The following HSPG2 variants were observed in gnomAD, a reference collection of about 807,000 sequenced individuals.
HSPG2 encodes heparan sulfate proteoglycan 2.
In HSPG2, 278 loss-of-function variants were observed where a neutral mutation model predicts 526.6. That is an observed-to-expected ratio of 0.53 (90% CI 0.48 to 0.58). HSPG2 has a LOEUF of 0.58. HSPG2 is among the 20% of genes least tolerant of loss of function. The pLI is 0.00. For missense variants in HSPG2, 5,354 were observed against 6,099.5 expected, an observed-to-expected ratio of 0.88 and a Z score of 4.07; for synonymous variants, 2,465 against 2,555.4, an observed-to-expected ratio of 0.96 and a Z score of 1.07.
At position 21,828,974 on chromosome 1, in the gene HSPG2, C is replaced by G; in HGVS notation, c.12098G>C (p.Arg4033Pro). ...GCCGGGCGAGGAGCGCAGCACAGGG[C>G]GTCCACCATTCACCCGCAGGCTGCC... ...KDGSLRVNGGRPVLRSSPGKS... is the reference protein window; with the variant it reads ...KDGSLRVNGGPPVLRSSPGKS... Residue 4033 changes from arginine (R) to proline (P), a missense_variant, in exon 88 of 97, where the codon CGC (arginine) becomes CCC (proline). Physicochemically the swap from Arg to Pro is moderately radical, Grantham distance 103. Coordinates refer to ENST00000374695, the MANE Select transcript of HSPG2 (RefSeq NM_005529.7). This position sits in a 1 kb window ranked among gnomAD's most constrained non-coding sequence, Gnocchi z 6.0. 1 of 1,576,366 alleles carries G rather than the reference C, an allele frequency of 6.3e-7. No homozygotes were observed. The highest frequency in any genetic ancestry group is 8.6e-7 in the Non-Finnish European group (1 of 1,161,430).
chr1:21,918,079 C>T (rs559055072), intron 1 of HSPG2, among the ~76,000 whole-genome samples: 1 of 152,206 alleles, frequency 6.6e-6, no homozygotes, highest in South Asian at 2.1e-4. Context: ...TTTGAGGACT[C>T]AATTTCTTAT....
intron 1 of HSPG2, among the ~76,000 whole-genome samples, chr1:21,929,755 G>C (rs904339061): frequency 6.6e-6 from 1 of 152,096 alleles, no homozygotes; most frequent in Non-Finnish European, 1.5e-5. Flanking sequence ...TGAAGCCAAA[G>C]ACTGTGGAGG....
chr1:21,854,827 C>T (rs746932870), intron 48 of HSPG2, 21 bp downstream of exon 48: 1 of 1,613,448 alleles, frequency 6.2e-7, no homozygotes, highest in African/African-American at 1.3e-5. Context: ...CCCCACCCCT[C>T]CATTCCCAGA....
chr1:21,826,443 A>G (rs770979824), intron 91 of HSPG2, among the ~76,000 whole-genome samples: 7 of 151,808 alleles, frequency 4.6e-5, no homozygotes, highest in Non-Finnish European at 7.4e-5. Flanking sequence ...GGCTCAAGCA[A>G]TCTGCCCGCC....
chr1:21,859,420 C>A lies in HSPG2; in HGVS notation c.5293+146G>T. The A allele has an allele frequency of 1.4e-6, 1 of 693,438 alleles. No homozygotes were observed. The allele number at this position is 693,438 out of a possible 1,614,324, so 43.0% of individuals were successfully genotyped here. ...CCTCTAAAATGAGTCTTGAATCTGCCACCTCTCCTCATCTCCATGGCTGCT... is the reference window on the plus strand; with the variant it reads ...CCTCTAAAATGAGTCTTGAATCTGCAACCTCTCCTCATCTCCATGGCTGCT... On this transcript the variant is annotated intron_variant, in intron 42 of 96. Transcript: ENST00000374695. The surrounding 1 kb of genome is among the most constrained non-coding windows in gnomAD (Gnocchi z 5.3).
At chr1:21,841,886 A>G in intron 69 of HSPG2, 116 bp downstream of exon 69, 1 of 1,448,878 alleles carries the variant, frequency 6.9e-7, no homozygotes, top group Non-Finnish European at 9.6e-7. Context: ...GGCCTTACTC[A>G]GGGCCACACC....
chr1:21,903,881 C>A (rs940582770), intron 1 of HSPG2, among the ~76,000 whole-genome samples: 1 of 152,190 alleles, frequency 6.6e-6, no homozygotes, highest in African/African-American at 2.4e-5. Context: ...GACCACCAGC[C>A]GGTGGGGCAG....
At chr1:21,855,269 G>GGGC in intron 47 of HSPG2, 35 bp downstream of exon 47, 1 of 1,584,652 alleles carries the variant, frequency 6.3e-7, no homozygotes, top group Non-Finnish European at 8.6e-7. Context: ...CAGAGCCTGT[G>GGGC]GGCCTCCTCC....
Position 21,884,686 on chromosome 1 carries a change from C to T in HSPG2, c.1508-12G>A, listed in dbSNP as rs372440952. 10 of 1,610,748 alleles carry T rather than the reference C, an allele frequency of 6.2e-6. No homozygotes were observed. In the African/African-American group the frequency reaches 6.7e-5, roughly 11 times the overall value. On this transcript the variant is annotated splice_polypyrimidine_tract_variant and intron_variant, in intron 12 of 96. Transcript: ENST00000374695. Reference sequence around the variant, plus strand: ...GTCAGGGCAGGGGCCTGCTGGGCGGCATGGGCGGGGGCTGCAGCCGGCTGT... The same window carrying T: ...GTCAGGGCAGGGGCCTGCTGGGCGGTATGGGCGGGGGCTGCAGCCGGCTGT...
chr1:21,878,384 A>AGGTTG, intron 20 of HSPG2, 49 bp downstream of exon 20: 1 of 1,586,124 alleles, frequency 6.3e-7, no homozygotes, highest in Non-Finnish European at 8.6e-7. Context: ...TGTGCAGCCC[A>AGGTTG]GGTTGGGTTG....
In HSPG2 at chr1:21,905,305, C is replaced by T. The variant is rs190738962; in HGVS notation, c.64-8995G>A. On this transcript the variant is annotated intron_variant, in intron 1 of 96. Coordinates refer to ENST00000374695, the MANE Select transcript of HSPG2 (RefSeq NM_005529.7). ...CGCCACGCTCCAACCTCTTTTGCTA[C>T]TGTGCTCCCCCAACTCCCTGCCTTC... Among the ~76,000 whole-genome samples, 35 of 149,790 alleles carry T rather than the reference C, an allele frequency of 2.3e-4. No homozygotes were observed. The East Asian group carries it at 6.8e-3, about 29-fold the overall frequency.
At chr1:21,841,062 G>A (rs766591966) in intron 71 of HSPG2, 39 bp downstream of exon 71, 2 of 1,558,480 alleles carry the variant, frequency 1.3e-6, no homozygotes, top group South Asian at 2.3e-5. Flanking sequence ...CTGGGCCATG[G>A]ACTGGGCCTC....
intron 38 of HSPG2, 71 bp from the exon 39 acceptor site, chr1:21,861,914 C>G (rs1639820191): frequency 1.9e-6 from 3 of 1,613,714 alleles, no homozygotes; most frequent in Non-Finnish European, 2.5e-6. Flanking sequence ...ACTTCTGCCC[C>G]AAAAGCCAGT....
At chr1:21,918,504 A>T (rs1468667913) in intron 1 of HSPG2, among the ~76,000 whole-genome samples, 3 of 151,758 alleles carry the variant, frequency 2.0e-5, no homozygotes, top group Admixed American at 1.3e-4. Context: ...CAATAATAGT[A>T]CCTGCCTTAT....
rs11805009 is a variant in HSPG2, at chr1:21,908,401, C to T, written c.64-12091G>A. On this transcript the variant is annotated intron_variant, in intron 1 of 96. Transcript: ENST00000374695. ...TGAGCACATTAAGCACTCTGAGAGC[C>T]GAGATAGCTTCCTGAAACGCGTGAA... The T allele has an allele frequency of 1.9e-3, 1,914 of 1,007,252 alleles. 24 individuals are homozygous for T. In the African/African-American group the frequency reaches 0.026, roughly 13 times the overall value. 62.4% of individuals were successfully genotyped at this position (1,007,252 alleles called of 1,614,324 possible).
chr1:21,896,286 C>G lies in HSPG2; in HGVS notation c.88G>C (p.Asp30His), dbSNP rs762213934. 1.9e-6 allele frequency: 3 copies of G among 1,613,508 alleles called. No individual in the cohort carries two copies. The highest frequency in any genetic ancestry group is 1.6e-4 in the Middle Eastern group (1 of 6,084). ...ATGTCCTCAGGCAGAGACAAGCCAT[C>G]GTATGCCCTCAGCCCATGGGTCACC... ...LAVTHGLRAY[D>H]GLSLPEDIET... is the part of the protein sequence containing the mutation. Residue 30 changes from aspartate (D) to histidine (H), a missense_variant, in exon 2 of 97, where the codon GAT (aspartate) becomes CAT (histidine). Transcript: ENST00000374695.
At position 21,848,468 on chromosome 1, in the gene HSPG2, G is replaced by C. The variant is rs538091848; in HGVS notation, c.7737+175C>G. On this transcript the variant is annotated intron_variant, in intron 59 of 96. Coordinates refer to ENST00000374695, the MANE Select transcript of HSPG2 (RefSeq NM_005529.7). The surrounding 1 kb of genome is among the most constrained non-coding windows in gnomAD (Gnocchi z 4.9). ...TTGGTGCAGAAGTGGATCTCCCTGA[G>C]GTCAGGGAGCCTTATTTCTGTATTC... 6.6e-6 allele frequency among the ~76,000 whole-genome samples: 1 copy of C among 152,130 alleles called. No individual in the cohort carries two copies. Among genetic ancestry groups the C allele is most frequent in the African/African-American group, 2.4e-5 (1 of 41,418 alleles).
chr1:21,828,563 T>G lies in HSPG2; in HGVS notation c.12238-137A>C. The G allele has an allele frequency of 2.1e-6, 2 of 971,546 alleles. No homozygotes were observed. The highest frequency in any genetic ancestry group is 3.1e-6 in the Non-Finnish European group (2 of 647,650). 60.2% of individuals were successfully genotyped at this position (971,546 alleles called of 1,614,324 possible). ...TGAGTGGTAGCATGGATTCTCGGTGTGGGGAGGGAGGCGCAGGAGTTGAGT... is the reference window on the plus strand; with the variant it reads ...TGAGTGGTAGCATGGATTCTCGGTGGGGGGAGGGAGGCGCAGGAGTTGAGT... On this transcript the variant is annotated intron_variant, in intron 88 of 96. Transcript: ENST00000374695. This position sits in a 1 kb window ranked among gnomAD's most constrained non-coding sequence, Gnocchi z 6.0.
chr1:21,937,164 C>T lies in HSPG2; in HGVS notation c.54G>A (p.Arg18=). The change falls in exon 1 of 97, where the codon CGG becomes CGA. Residue 18 remains arginine (R), a synonymous_variant. Transcript: ENST00000374695. Reference sequence around the variant, plus strand: ...TGCCCCGCACACTCACCGCCAGCAGCCGCCCGTGCAGCAGCAGCGCCAGCA... The same window carrying T: ...TGCCCCGCACACTCACCGCCAGCAGTCGCCCGTGCAGCAGCAGCGCCAGCA... ...ALLLALLLHG[R]LLAVTHGLRA... The T allele has an allele frequency of 9.4e-7, 1 of 1,066,536 alleles. No individual in the cohort carries two copies. The highest frequency in any genetic ancestry group is 1.2e-6 in the Non-Finnish European group (1 of 862,010). The allele number at this position is 1,066,536 out of a possible 1,614,324, so 66.1% of individuals were successfully genotyped here. A position where few individuals can be genotyped will look rare whatever the true frequency, so the allele number is the denominator to read the frequency against.
Sources: allele counts gnomAD v4.1 joint callset (sites outside exome capture counted in the v4.1 genomes callset), GRCh38; gene constraint gnomAD v4.1.1; non-coding constraint Gnocchi (gnomAD v3.1); transcripts MANE v1.5; gene names NCBI Gene and HGNC (gene_info 2026-07-23, HGNC 2026-07-21).